Variants in ABTB2 observed in about 807,000 individuals in gnomAD.
ABTB2 encodes ankyrin repeat and BTB domain containing 2.
A neutral mutation model predicts 104.1 loss-of-function variants in ABTB2; 56 were observed. The observed-to-expected ratio is 0.54, with a 90% CI of 0.43 to 0.67. The LOEUF (loss-of-function observed/expected upper bound fraction) is 0.67, where lower values mean the gene tolerates loss of function less well. Among genes scored for constraint, ABTB2 ranks in the 30% least tolerant of loss-of-function variants. ABTB2 has a pLI of 0.00. For synonymous variants in ABTB2, 606 were observed against 608.2 expected (o/e 1.00, Z 0.05); for missense variants, 1,279 against 1,407.7 (o/e 0.91, Z 1.46).
chr11:34,340,043 C>CCAAACAAA (rs60959261), intron 1 of ABTB2, among the ~76,000 whole-genome samples: 84,418 of 149,426 alleles, frequency 0.56, 25,620 homozygotes, highest in East Asian at 0.84. Flanking sequence ...CCACCATCCT[C>CCAAACAAA]CAAACAAACA....
rs141243182 is a variant in ABTB2 at position 34,154,322 on chromosome 11, G to A, written c.2823C>T (p.Ile941=). The A allele has an allele frequency of 3.0e-5, 49 of 1,613,988 alleles. No homozygotes were observed. Among genetic ancestry groups the A allele is most frequent in the Admixed American group, 1.8e-4 (11 of 60,000 alleles). Residue 941 remains isoleucine, a synonymous_variant, in exon 16 of 17, where the codon ATC becomes ATT. Coordinates refer to ENST00000435224, the MANE Select transcript of ABTB2 (RefSeq NM_145804.3). This position sits in a 1 kb window ranked among gnomAD's most constrained non-coding sequence, Gnocchi z 4.9. ...CCATGCTGAGGGTCTGGGAGCACAGGATCTCGCAGTGCCTCTGCAGGGCAT... is the reference window on the plus strand; with the variant it reads ...CCATGCTGAGGGTCTGGGAGCACAGAATCTCGCAGTGCCTCTGCAGGGCAT... The part of the protein sequence containing the change: ...QLDALQRHCE[I]LCSQTLSMES...
intron 9 of ABTB2, among the ~76,000 whole-genome samples, chr11:34,163,896 C>A (rs1251508033): frequency 2.0e-5 from 3 of 151,506 alleles, no homozygotes; most frequent in Admixed American, 2.0e-4. Context: ...GGGATGCAGG[C>A]ACTGGGTGGG....
At chr11:34,263,003 C>T (rs1052672963) in intron 1 of ABTB2, among the ~76,000 whole-genome samples, 44 of 152,160 alleles carry the variant, frequency 2.9e-4, no homozygotes, top group African/African-American at 1.1e-3. Flanking sequence ...AGATAATGGG[C>T]CCCAGATTTG....
chr11:34,343,454 G>GAC (rs1007495966), intron 1 of ABTB2, among the ~76,000 whole-genome samples: 2 of 92,768 alleles, frequency 2.2e-5, no homozygotes, highest in African/African-American at 7.9e-5. Flanking sequence ...AAGACAGACA[G>GAC]ACAGACACAC....
At chr11:34,334,475 T>C (rs544974985) in intron 1 of ABTB2, among the ~76,000 whole-genome samples, 1 of 152,334 alleles carries the variant, frequency 6.6e-6, no homozygotes, top group South Asian at 2.1e-4. Flanking sequence ...CTACCACCTA[T>C]TGAGAACCCA....
intron 1 of ABTB2, among the ~76,000 whole-genome samples, chr11:34,220,828 C>T (rs1238235620): frequency 6.6e-6 from 1 of 152,338 alleles, no homozygotes; most frequent in Non-Finnish European, 1.5e-5. Flanking sequence ...CATTTATTTT[C>T]TCACTGTTCT....
chr11:34,292,040 G>A (rs150748021), intron 1 of ABTB2, among the ~76,000 whole-genome samples: 33 of 152,156 alleles, frequency 2.2e-4, no homozygotes, highest in Non-Finnish European at 3.7e-4. Context: ...GCCAAGTTGC[G>A]ACCCTAGCCC....
At chr11:34,254,256 AT>A (rs959352145) in intron 1 of ABTB2, among the ~76,000 whole-genome samples, 1 of 150,798 alleles carries the variant, frequency 6.6e-6, no homozygotes, top group Non-Finnish European at 1.5e-5. Flanking sequence ...AAGCTTTTTG[AT>A]TTTTTTTTGA....
At chr11:34,237,935 C>A (rs1203007143) in intron 1 of ABTB2, among the ~76,000 whole-genome samples, 3 of 152,020 alleles carry the variant, frequency 2.0e-5, no homozygotes, top group Admixed American at 1.3e-4. Context: ...CCACCACCAC[C>A]CTGGACCACA....
At chr11:34,350,026 G>T (rs576956125) in intron 1 of ABTB2, among the ~76,000 whole-genome samples, 1 of 152,156 alleles carries the variant, frequency 6.6e-6, no homozygotes, top group Non-Finnish European at 1.5e-5. Flanking sequence ...AACCGCATGT[G>T]TACAAGCCTC....
chr11:34,278,360 G>A lies in ABTB2; in HGVS notation c.884-73670C>T, dbSNP rs566301723. Among the ~76,000 whole-genome samples, 23 of 152,216 alleles carry A rather than the reference G, an allele frequency of 1.5e-4. No homozygotes were observed. In the South Asian group the frequency reaches 4.8e-3, roughly 32 times the overall value. On this transcript the variant is annotated intron_variant, in intron 1 of 16. Coordinates refer to ENST00000435224, the MANE Select transcript of ABTB2 (RefSeq NM_145804.3). The stretch of plus-strand genomic sequence containing the variant: ...GGTTAAGTTTGTTTCCTTACTGCAG[G>A]ACTTCTCAGGGCCTTGAATATGCAA...
chr11:34,166,962 G>A (rs557697252), intron 7 of ABTB2, among the ~76,000 whole-genome samples: 1 of 152,254 alleles, frequency 6.6e-6, no homozygotes, highest in African/African-American at 2.4e-5. Context: ...GACTGGGACA[G>A]CCCCCAGTGT....
intron 1 of ABTB2, among the ~76,000 whole-genome samples, chr11:34,281,305 A>G (rs1304350384): frequency 6.6e-6 from 1 of 152,138 alleles, no homozygotes; most frequent in African/African-American, 2.4e-5. Context: ...CCAATCTTAG[A>G]TCCCAGGTCC....
intron 1 of ABTB2, among the ~76,000 whole-genome samples, chr11:34,291,809 T>C (rs972736782): frequency 3.3e-5 from 5 of 152,210 alleles, no homozygotes; most frequent in Non-Finnish European, 7.3e-5. Flanking sequence ...TATGTTTATT[T>C]TTTTAATTTT....
intron 3 of ABTB2, among the ~76,000 whole-genome samples, chr11:34,194,073 C>T (rs1374217916): frequency 2.6e-5 from 4 of 152,232 alleles, no homozygotes; most frequent in Non-Finnish European, 5.9e-5. Flanking sequence ...TTCCCTTTGT[C>T]GCCATGGATG....
intron 1 of ABTB2, among the ~76,000 whole-genome samples, chr11:34,351,904 G>A (rs1214908689): frequency 1.3e-5 from 2 of 151,710 alleles, no homozygotes; most frequent in African/African-American, 4.9e-5. Flanking sequence ...TACTACTTAA[G>A]GCTAGGGTTG....
intron 2 of ABTB2, among the ~76,000 whole-genome samples, chr11:34,202,270 G>A (rs1853351606): frequency 6.6e-6 from 1 of 152,226 alleles, no homozygotes; most frequent in East Asian, 1.9e-4. Context: ...TTGAAAATGT[G>A]AAGGACCAAT....
In ABTB2 at chr11:34,252,896, T is replaced by G. The variant is rs965934753; in HGVS notation, c.884-48206A>C. On this transcript the variant is annotated intron_variant, in intron 1 of 16. Coordinates refer to ENST00000435224, the MANE Select transcript of ABTB2 (RefSeq NM_145804.3). The surrounding 1 kb of genome is among the most constrained non-coding windows in gnomAD (Gnocchi z 5.5). ...AGGTGGCTGTCACCTGGCCTGCACA[T>G]GGCTCAGGGCCCGATTCCACCCCTC... Among the ~76,000 whole-genome samples, 3 of 151,988 alleles carry G rather than the reference T, an allele frequency of 2.0e-5. No homozygotes were observed. The highest frequency in any genetic ancestry group is 7.2e-5 in the African/African-American group (3 of 41,380).
chr11:34,155,470 C>A (rs887227182), intron 14 of ABTB2, among the ~76,000 whole-genome samples: 1 of 152,272 alleles, frequency 6.6e-6, no homozygotes, highest in African/African-American at 2.4e-5. Context: ...CAGTTACAAA[C>A]TCTGCCATCA....
Sources: allele counts gnomAD v4.1 joint callset (sites outside exome capture counted in the v4.1 genomes callset), GRCh38; gene constraint gnomAD v4.1.1; non-coding constraint Gnocchi (gnomAD v3.1); transcripts MANE v1.5; gene names NCBI Gene and HGNC (gene_info 2026-07-23, HGNC 2026-07-21).